The following SNAP91 variants were observed in gnomAD, a reference collection of about 807,000 sequenced individuals.
The protein encoded by SNAP91 is clathrin coat assembly protein AP180.
A neutral mutation model predicts 100.3 loss-of-function variants in SNAP91; 27 were observed. The observed-to-expected ratio is 0.27, with a 90% CI of 0.20 to 0.37. SNAP91 has a LOEUF of 0.37. SNAP91 is among the 10% of genes least tolerant of loss of function. The probability of loss-of-function intolerance (pLI) is 1.00; values close to 1 mark genes in which losing one functional copy is unlikely to be tolerated. For missense variants in SNAP91, 986 were observed against 1,123.7 expected (o/e 0.88, Z 1.75); for synonymous variants, 404 against 398.6 (o/e 1.01, Z -0.16).
chr6:83,581,600 A>G (rs1482136914), intron 23 of SNAP91, among the ~76,000 whole-genome samples: 1 of 152,272 alleles, frequency 6.6e-6, no homozygotes, highest in Non-Finnish European at 1.5e-5. Context: ...ACAGCATTCA[A>G]CTAGGCACTG....
At chr6:83,598,709 T>C (rs1172757728) in intron 16 of SNAP91, among the ~76,000 whole-genome samples, 2 of 152,112 alleles carry the variant, frequency 1.3e-5, no homozygotes, top group African/African-American at 4.8e-5. Flanking sequence ...AGACAAAATA[T>C]TTAAAAAATG....
intron 5 of SNAP91, 68 bp downstream of exon 5, chr6:83,661,434 T>C: frequency 2.1e-6 from 2 of 954,738 alleles, no homozygotes; most frequent in South Asian, 1.7e-5. Context: ...TAAGCTTAGT[T>C]AAAATAAATC....
intron 2 of SNAP91, among the ~76,000 whole-genome samples, chr6:83,695,680 T>C (rs1332634641): frequency 6.6e-6 from 1 of 152,130 alleles, no homozygotes; most frequent in Non-Finnish European, 1.5e-5. Flanking sequence ...GCTCGCTTCA[T>C]ACTATTTTTC....
At chr6:83,591,106 G>C in intron 22 of SNAP91, 105 bp downstream of exon 22, 3 of 739,448 alleles carry the variant, frequency 4.1e-6, no homozygotes, top group Non-Finnish European at 6.7e-6. Flanking sequence ...TGTCTTGAAA[G>C]AAAAAGAAAA....
chr6:83,620,250 A>G (rs1474557203), intron 9 of SNAP91, among the ~76,000 whole-genome samples: 2 of 152,306 alleles, frequency 1.3e-5, no homozygotes, highest in African/African-American at 4.8e-5. Context: ...TCCTACTCCC[A>G]GTAGGAAGCC....
At chr6:83,638,073 C>T (rs2097536772) in intron 8 of SNAP91, among the ~76,000 whole-genome samples, 1 of 152,142 alleles carries the variant, frequency 6.6e-6, no homozygotes, top group Admixed American at 6.5e-5. Context: ...CATCCTGGTC[C>T]TGCAGCAATG....
At chr6:83,667,633 G>T (rs185428243) in intron 2 of SNAP91, among the ~76,000 whole-genome samples, 38 of 151,732 alleles carry the variant, frequency 2.5e-4, no homozygotes, top group Non-Finnish European at 4.4e-4. Flanking sequence ...TTTTTATTTT[G>T]ATTTTTATAT....
chr6:83,595,087 A>G (rs2094308025), intron 16 of SNAP91, among the ~76,000 whole-genome samples: 2 of 152,066 alleles, frequency 1.3e-5, no homozygotes, highest in Admixed American at 6.5e-5. Context: ...AACATAACCA[A>G]TAATTTTACT....
intron 22 of SNAP91, among the ~76,000 whole-genome samples, chr6:83,584,423 C>T (rs1404562730): frequency 6.6e-6 from 1 of 151,944 alleles, no homozygotes; most frequent in African/African-American, 2.4e-5. Flanking sequence ...AAAAAGAGTG[C>T]ATTTACCTAG....
intron 20 of SNAP91, 131 bp downstream of exon 20, chr6:83,592,815 G>T: frequency 1.3e-6 from 1 of 780,926 alleles, no homozygotes; most frequent in Non-Finnish European, 2.1e-6. Context: ...ATGGTCCCAA[G>T]AGTGAGTTTT....
intron 26 of SNAP91, among the ~76,000 whole-genome samples, chr6:83,565,358 T>C (rs1795094837): frequency 1.3e-5 from 2 of 152,184 alleles, no homozygotes; most frequent in Non-Finnish European, 2.9e-5. Context: ...AGCCTTGAAC[T>C]GCCATTAGTT....
Position 83,557,080 on chromosome 6 carries a change from A to T in SNAP91, c.2632-835T>A, listed in dbSNP as rs1016988625. ...ACTTGCCTTGTTTCTGTTTAACCAG[A>T]ATCTAAATTATTTTTTCATTGTGTC... On this transcript the variant is annotated intron_variant, in intron 28 of 29. Coordinates refer to ENST00000369694, the MANE Select transcript of SNAP91 (RefSeq NM_001242792.2). 3.9e-5 allele frequency among the ~76,000 whole-genome samples: 6 copies of T among 152,322 alleles called. No individual in the cohort carries two copies. The East Asian group carries it at 1.2e-3, about 29-fold the overall frequency.
intron 8 of SNAP91, among the ~76,000 whole-genome samples, chr6:83,638,821 T>C (rs189111761): frequency 6.6e-6 from 1 of 152,334 alleles, no homozygotes; most frequent in African/African-American, 2.4e-5. Flanking sequence ...TCACTTTCTG[T>C]CTGCAAATAT....
intron 26 of SNAP91, among the ~76,000 whole-genome samples, 164 bp from the exon 27 acceptor site, chr6:83,561,111 C>T (rs894561532): frequency 2.6e-5 from 4 of 152,168 alleles, no homozygotes; most frequent in Non-Finnish European, 5.9e-5. Flanking sequence ...GGCATGATCA[C>T]AGCTCACTGC....
At position 83,692,156 on chromosome 6, in the gene SNAP91, T is replaced by C. The variant is rs759880469; in HGVS notation, c.130+15642A>G. Among the ~76,000 whole-genome samples, 4 of 152,180 alleles carry C rather than the reference T, an allele frequency of 2.6e-5. No homozygotes were observed. The East Asian group carries it at 7.7e-4, about 29-fold the overall frequency. The stretch of plus-strand genomic sequence containing the variant: ...GATACCTATGAAAAGAACTATTAGA[T>C]TCTGAAAGGCTCTTTCCTCTAATAA... On this transcript the variant is annotated intron_variant, in intron 2 of 29. Transcript: ENST00000369694.
At chr6:83,619,353 C>G (rs2096622283) in intron 9 of SNAP91, among the ~76,000 whole-genome samples, 1 of 152,154 alleles carries the variant, frequency 6.6e-6, no homozygotes, top group Admixed American at 6.5e-5. Context: ...GAATGTCTAC[C>G]TTTTCTCAAC....
At chr6:83,567,610 G>A (rs566254964) in intron 26 of SNAP91, among the ~76,000 whole-genome samples, 2 of 152,148 alleles carry the variant, frequency 1.3e-5, no homozygotes, top group East Asian at 1.9e-4. Flanking sequence ...ATCTGACAAA[G>A]GGCTAATATC....
rs138362414 is a variant in SNAP91 at position 83,565,244 on chromosome 6, C to T, written c.2443-4297G>A. On this transcript the variant is annotated intron_variant, in intron 26 of 29. Coordinates refer to ENST00000369694, the MANE Select transcript of SNAP91 (RefSeq NM_001242792.2). ...ACATAAATTTACAGAGATATTTCTC[C>T]TCCCCTCTCTATCAGGGACAAAAGT... 2.9e-3 allele frequency among the ~76,000 whole-genome samples: 445 copies of T among 152,088 alleles called. 2 individuals are homozygous for T. Among genetic ancestry groups the T allele is most frequent in the African/African-American group, 0.01 (426 of 41,492 alleles).
intron 9 of SNAP91, 28 bp from the exon 10 acceptor site, chr6:83,617,067 C>T: frequency 6.8e-7 from 1 of 1,470,266 alleles, no homozygotes; most frequent in Non-Finnish European, 9.2e-7. Flanking sequence ...AAATAAATGT[C>T]TGCATTGTTT....
Sources: gnomAD v4.1 joint callset for allele counts (sites outside exome capture counted in the v4.1 genomes callset) on GRCh38, gnomAD v4.1.1 for gene constraint, MANE v1.5 for transcripts, NCBI Gene and HGNC (gene_info 2026-07-23, HGNC 2026-07-21) for gene names.